The following PRDM1 variants were observed in gnomAD, a reference collection of about 807,000 sequenced individuals.
PRDM1 encodes the protein PR/SET domain 1, also known as PR domain zinc finger protein 1.
A neutral mutation model predicts 62.8 loss-of-function variants in PRDM1; 13 were observed. The ratio of observed to expected loss-of-function variants is 0.21; its 90% confidence interval spans 0.13 to 0.33. PRDM1 has a LOEUF of 0.33. PRDM1 is among the 10% of genes least tolerant of loss of function. The pLI, the probability that PRDM1 is intolerant of heterozygous loss-of-function variation, is 1.00. For synonymous variants in PRDM1, 396 were observed against 417.6 expected, an observed-to-expected ratio of 0.95 and a Z score of 0.63; for missense variants, 895 against 1,058.8, an observed-to-expected ratio of 0.85 and a Z score of 2.15.
At chr6:105,998,983 G>A (rs1772396105) in intron 1 of PRDM1, among the ~76,000 whole-genome samples, 1 of 145,006 alleles carries the variant, frequency 6.9e-6, no homozygotes, top group Admixed American at 7.0e-5. Context: ...TGTCACTCAG[G>A]TTGGAGTTCA....
At chr6:106,093,081 A>C (rs1397512741) in intron 2 of PRDM1, among the ~76,000 whole-genome samples, 1 of 152,136 alleles carries the variant, frequency 6.6e-6, no homozygotes, top group Non-Finnish European at 1.5e-5. Context: ...TTCTCTTTTT[A>C]ATTGTTCTCC....
At chr6:106,090,474 A>G (rs1773933953) in intron 2 of PRDM1, among the ~76,000 whole-genome samples, 1 of 152,204 alleles carries the variant, frequency 6.6e-6, no homozygotes. Flanking sequence ...CTTGAATGTA[A>G]TACTGTCTTA....
At chr6:105,993,156 C>T (rs926147411), upstream of PRDM1, among the ~76,000 whole-genome samples, 2 of 152,214 alleles carry the variant, frequency 1.3e-5, no homozygotes, top group Non-Finnish European at 2.9e-5. Flanking sequence ...AATAATTCTG[C>T]ATTGTTTCTC....
At chr6:106,093,439 T>C (rs1405513035) in intron 2 of PRDM1, among the ~76,000 whole-genome samples, 8 of 152,232 alleles carry the variant, frequency 5.3e-5, no homozygotes. Context: ...TTAAAATTAC[T>C]GTTGTAAAGT....
chr6:105,996,766 CTATT>C (rs948625874), intron 1 of PRDM1, among the ~76,000 whole-genome samples: 1 of 152,054 alleles, frequency 6.6e-6, no homozygotes, highest in African/African-American at 2.4e-5. Context: ...GATTCTATAT[CTATT>C]TGAGGGTGAA....
chr6:106,093,180 T>C (rs1009170335), intron 2 of PRDM1, among the ~76,000 whole-genome samples: 3 of 152,222 alleles, frequency 2.0e-5, no homozygotes, highest in African/African-American at 7.2e-5. Flanking sequence ...GATGAGTCTA[T>C]AGTTGTGCTC....
upstream of PRDM1, among the ~76,000 whole-genome samples, chr6:106,081,597 G>A (rs978134770): frequency 6.6e-6 from 1 of 152,196 alleles, no homozygotes; most frequent in Non-Finnish European, 1.5e-5. Flanking sequence ...GGAGCAGAAT[G>A]GGAGTTGGGG....
At chr6:106,043,462 T>C (rs1196354348) in intron 1 of PRDM1, among the ~76,000 whole-genome samples, 1 of 152,196 alleles carries the variant, frequency 6.6e-6, no homozygotes, top group African/African-American at 2.4e-5. Context: ...AGCTATCATG[T>C]TCTCATAAGA....
At chr6:106,043,468 T>G (rs1337055371) in intron 1 of PRDM1, among the ~76,000 whole-genome samples, 1 of 152,192 alleles carries the variant, frequency 6.6e-6, no homozygotes, top group African/African-American at 2.4e-5. Context: ...CATGTTCTCA[T>G]AAGACATAGA....
intron 2 of PRDM1, among the ~76,000 whole-genome samples, chr6:106,094,222 T>C (rs1774030567): frequency 1.3e-5 from 2 of 152,170 alleles, no homozygotes; most frequent in South Asian, 4.1e-4. Context: ...AACTGGAAAA[T>C]AAACATTATC....
Position 106,106,561 on chromosome 6 carries a change from C to A in PRDM1, c.1902+62C>A, listed in dbSNP as rs1390531922. ...GTAGAAAATGTCTGTGAGTCACCCT[C>A]CCATGTCCTATATAGCCCGTAGTTA... is the stretch of plus-strand genomic sequence containing the variant. On this transcript the variant is annotated intron_variant, in intron 6 of 6. Coordinates refer to ENST00000369096, the MANE Select transcript of PRDM1 (RefSeq NM_001198.4). The surrounding 1 kb of genome is among the most constrained non-coding windows in gnomAD (Gnocchi z 4.4). The A allele has an allele frequency of 3.7e-6, 6 of 1,601,198 alleles. No homozygotes were observed. The East Asian group carries it at 1.1e-4, about 30-fold the overall frequency.
intron 1 of PRDM1, among the ~76,000 whole-genome samples, chr6:106,021,803 A>G (rs1308567558): frequency 6.6e-6 from 1 of 152,052 alleles, no homozygotes; most frequent in Middle Eastern, 3.2e-3. Flanking sequence ...TATTTTTAGT[A>G]GAAACAGGGT....
At position 106,107,698 on chromosome 6, in the gene PRDM1, A is replaced by ATATATATATC. The variant is rs1335912409; in HGVS notation, c.*213_*214insATATATATCT. On this transcript the variant is annotated 3_prime_UTR_variant, in exon 7 of 7. Transcript: ENST00000369096. ...AGGCCATATATATATATATATATATATCTGTATACATATTATATATACTTA... is the reference window on the plus strand; with the variant it reads ...AGGCCATATATATATATATATATATATATATATATCTCTGTATACATATTATATATACTTA... The ATATATATATC allele has an allele frequency of 4.5e-6, 1 of 222,326 alleles. No individual in the cohort carries two copies. Among genetic ancestry groups the ATATATATATC allele is most frequent in the Non-Finnish European group, 8.7e-6 (1 of 115,062 alleles). The allele number at this position is 222,326 out of a possible 1,614,324, so 13.8% of individuals were successfully genotyped here. A position where few individuals can be genotyped will look rare whatever the true frequency, so the allele number is the denominator to read the frequency against.
chr6:106,022,574 G>A (rs1772708164), intron 1 of PRDM1, among the ~76,000 whole-genome samples: 1 of 151,956 alleles, frequency 6.6e-6, no homozygotes, highest in Non-Finnish European at 1.5e-5. Context: ...ACAGGCACAT[G>A]CCACCAAGCC....
chr6:106,051,482 G>T (rs760732751), intron 1 of PRDM1, among the ~76,000 whole-genome samples: 1 of 152,220 alleles, frequency 6.6e-6, no homozygotes, highest in Non-Finnish European at 1.5e-5. Flanking sequence ...CATAAAGAAG[G>T]CAGAGAAGGG....
At chr6:106,034,394 T>G (rs189950042) in intron 1 of PRDM1, among the ~76,000 whole-genome samples, 2 of 152,044 alleles carry the variant, frequency 1.3e-5, no homozygotes, top group Non-Finnish European at 2.9e-5. Flanking sequence ...TAGCTAAAAA[T>G]TTTCCCCCTT....
At chr6:106,097,110 A>G (rs1562169057) in intron 3 of PRDM1, among the ~76,000 whole-genome samples, 1 of 152,194 alleles carries the variant, frequency 6.6e-6, no homozygotes, top group Non-Finnish European at 1.5e-5. Context: ...ATGTGCTCAC[A>G]ATTTTTATTT....
chr6:106,061,194 G>A (rs1450755215), intron 1 of PRDM1, among the ~76,000 whole-genome samples: 1 of 139,120 alleles, frequency 7.2e-6, no homozygotes. Flanking sequence ...CCACTGATCC[G>A]GACTGAGTGC....
chr6:106,059,046 G>C (rs1773307120), intron 1 of PRDM1, among the ~76,000 whole-genome samples: 1 of 152,128 alleles, frequency 6.6e-6, no homozygotes, highest in African/African-American at 2.4e-5. Flanking sequence ...CATGTATCAA[G>C]CATTGTCCTA....
Sources: allele counts gnomAD v4.1 joint callset (sites outside exome capture counted in the v4.1 genomes callset), GRCh38; gene constraint gnomAD v4.1.1; non-coding constraint Gnocchi (gnomAD v3.1); transcripts MANE v1.5; gene names NCBI Gene and HGNC (gene_info 2026-07-23, HGNC 2026-07-21).